CAMTA1: variants seen among roughly 807,000 people sequenced by gnomAD.
CAMTA1 encodes calmodulin binding transcription activator 1.
CAMTA1 carries 27 observed loss-of-function variants against 170.9 expected under a neutral mutation model. The ratio of observed to expected loss-of-function variants is 0.16; its 90% CI spans 0.12 to 0.22. The LOEUF (loss-of-function observed/expected upper bound fraction) is 0.22, where lower values mean the gene tolerates loss of function less well. Among genes scored for constraint, CAMTA1 ranks in the 10% least tolerant of loss-of-function variants. The pLI, the probability that CAMTA1 is intolerant of heterozygous loss-of-function variation, is 1.00. For missense variants in CAMTA1, 1,619 were observed against 2,217.2 expected (o/e 0.73, Z 5.42); for synonymous variants, 833 against 891.5 (o/e 0.93, Z 1.17).
intron 5 of CAMTA1, among the ~76,000 whole-genome samples, chr1:7,378,300 CAG>C (rs2087001322): frequency 6.6e-6 from 1 of 151,952 alleles, no homozygotes; most frequent in Non-Finnish European, 1.5e-5. Context: ...ATCCTAGCTT[CAG>C]AGAGAGAGAG....
intron 11 of CAMTA1, among the ~76,000 whole-genome samples, chr1:7,713,433 G>GC (rs2096586274): frequency 6.6e-6 from 1 of 151,900 alleles, no homozygotes; most frequent in Non-Finnish European, 1.5e-5. Context: ...TGTAAGAACT[G>GC]CCCCCCAGCC....
At position 7,588,740 on chromosome 1, in the gene CAMTA1, G is replaced by A. The variant is rs145386417; in HGVS notation, c.511-51660G>A. On this transcript the variant is annotated intron_variant, in intron 6 of 22. Coordinates refer to ENST00000303635, the MANE Select transcript of CAMTA1 (RefSeq NM_015215.4). This position sits in a 1 kb window ranked among gnomAD's most constrained non-coding sequence, Gnocchi z 5.8. ...CCAGTGAGGTACCTGCCCCTGGAGC[G>A]GGACCAACAGCTCCAGGCAGGAGAT... 2.2e-3 allele frequency among the ~76,000 whole-genome samples: 337 copies of A among 152,284 alleles called. 3 individuals carry two copies. The highest frequency in any genetic ancestry group is 7.8e-3 in the African/African-American group (324 of 41,558).
At chr1:6,873,170 T>C (rs1668875700) in intron 3 of CAMTA1, among the ~76,000 whole-genome samples, 1 of 152,100 alleles carries the variant, frequency 6.6e-6, no homozygotes, top group African/African-American at 2.4e-5. Flanking sequence ...AGGTAAACCA[T>C]CCTATGATTA....
At chr1:7,083,421 T>C (rs1284325332) in intron 3 of CAMTA1, among the ~76,000 whole-genome samples, 1 of 152,180 alleles carries the variant, frequency 6.6e-6, no homozygotes, top group Non-Finnish European at 1.5e-5. Flanking sequence ...AGATTGGGGA[T>C]GTTGGTTTAG....
intron 3 of CAMTA1, among the ~76,000 whole-genome samples, chr1:7,004,441 G>A (rs916977261): frequency 6.6e-6 from 1 of 152,190 alleles, no homozygotes; most frequent in Non-Finnish European, 1.5e-5. Flanking sequence ...GCTGGGCAGA[G>A]CTCAGGTAGT....
At chr1:6,920,807 A>G (rs1681837881) in intron 3 of CAMTA1, among the ~76,000 whole-genome samples, 1 of 152,188 alleles carries the variant, frequency 6.6e-6, no homozygotes, top group Non-Finnish European at 1.5e-5. Context: ...GGTCCCTTTT[A>G]GTCATGGCTG....
At chr1:7,397,790 A>G (rs920713031) in intron 5 of CAMTA1, among the ~76,000 whole-genome samples, 3 of 151,966 alleles carry the variant, frequency 2.0e-5, no homozygotes, top group African/African-American at 4.8e-5. Context: ...ATGGCTTCCA[A>G]AGTTTCTCCT....
At chr1:7,363,982 A>G (rs1230330763) in intron 5 of CAMTA1, among the ~76,000 whole-genome samples, 1 of 152,228 alleles carries the variant, frequency 6.6e-6, no homozygotes, top group African/African-American at 2.4e-5. Context: ...GAGAAACCAG[A>G]GTCCAGCCCC....
chr1:7,512,835 A>G (rs895035285), intron 6 of CAMTA1, among the ~76,000 whole-genome samples: 1 of 152,184 alleles, frequency 6.6e-6, no homozygotes, highest in South Asian at 2.1e-4. Flanking sequence ...GGAGGGAGCC[A>G]GGAGAAGACT....
At chr1:7,676,278 C>T (rs1057147717) in intron 10 of CAMTA1, among the ~76,000 whole-genome samples, 2 of 152,232 alleles carry the variant, frequency 1.3e-5, no homozygotes, top group African/African-American at 4.8e-5. Flanking sequence ...ATGTGACCTC[C>T]ACTGTGGAGT....
Position 7,681,513 on chromosome 1 carries a change from C to T in CAMTA1, c.2914+3780C>T, listed in dbSNP as rs1375909275. On this transcript the variant is annotated intron_variant, in intron 11 of 22. Coordinates refer to ENST00000303635, the MANE Select transcript of CAMTA1 (RefSeq NM_015215.4). The surrounding 1 kb of genome is among the most constrained non-coding windows in gnomAD (Gnocchi z 4.6). ...GGTGCGGATTCAGAACAAATTTCCT[C>T]TGTCCTGACCTGACCCCAGGCCATT... Among the ~76,000 whole-genome samples, 1 of 152,220 alleles carries T rather than the reference C, an allele frequency of 6.6e-6. No homozygotes were observed. The highest frequency in any genetic ancestry group is 1.5e-5 in the Non-Finnish European group (1 of 68,050).
At chr1:6,802,568 C>T (rs1424718435) in intron 1 of CAMTA1, among the ~76,000 whole-genome samples, 2 of 152,154 alleles carry the variant, frequency 1.3e-5, no homozygotes, top group Non-Finnish European at 2.9e-5. Flanking sequence ...GATATTGACT[C>T]CTAAAGGAGT....
intron 16 of CAMTA1, among the ~76,000 whole-genome samples, chr1:7,741,446 C>T (rs1178104845): frequency 6.6e-6 from 1 of 152,050 alleles, no homozygotes; most frequent in East Asian, 1.9e-4. Context: ...ACCTGTAGTC[C>T]CAGTACTCGG....
In CAMTA1 at chr1:6,958,792, C is replaced by T. The variant is rs564767745; in HGVS notation, c.235-132512C>T. Among the ~76,000 whole-genome samples, 3 of 152,236 alleles carry T rather than the reference C, an allele frequency of 2.0e-5. No homozygotes were observed. In the South Asian group the frequency reaches 6.2e-4, roughly 32 times the overall value. ...TAAGCTGCGTTGCTGTGTGGCTCACCCTCCACAGATGCTTTATAAAGCCCA... is the reference window on the plus strand; with the variant it reads ...TAAGCTGCGTTGCTGTGTGGCTCACTCTCCACAGATGCTTTATAAAGCCCA... On this transcript the variant is annotated intron_variant, in intron 3 of 22. Coordinates refer to ENST00000303635, the MANE Select transcript of CAMTA1 (RefSeq NM_015215.4).
chr1:7,203,489 G>GT (rs34908605), intron 4 of CAMTA1, among the ~76,000 whole-genome samples: 4,636 of 138,676 alleles, frequency 0.033, 110 homozygotes, highest in South Asian at 0.076. Context: ...CTTGTGGGTA[G>GT]TTTTTTTTTT....
Position 7,736,627 on chromosome 1 carries a change from C to G in CAMTA1, c.3263+87C>G, listed in dbSNP as rs2096774749. 1.5e-6 allele frequency: 2 copies of G among 1,327,224 alleles called. No homozygotes were observed. Among genetic ancestry groups the G allele is most frequent in the Non-Finnish European group, 2.1e-6 (2 of 930,300 alleles). 82.2% of individuals were successfully genotyped at this position (1,327,224 alleles called of 1,614,324 possible). A position where few individuals can be genotyped will look rare whatever the true frequency, so the allele number is the denominator to read the frequency against. ...GAGCACTGCCACCCGTGGAAGAAAT[C>G]TACCCATTCAGTCCACTTTATAGCC... On this transcript the variant is annotated intron_variant, in intron 13 of 22. Transcript: ENST00000303635. The surrounding 1 kb of genome is among the most constrained non-coding windows in gnomAD (Gnocchi z 4.5).
intron 6 of CAMTA1, among the ~76,000 whole-genome samples, chr1:7,511,632 T>TC (rs1341432112): frequency 2.0e-5 from 3 of 152,202 alleles, no homozygotes; most frequent in Admixed American, 6.5e-5. Flanking sequence ...CATCTGGAGT[T>TC]CTGGAGTTCT....
At chr1:7,747,652 C>G in intron 18 of CAMTA1, 58 bp from the exon 19 acceptor site, 1 of 1,234,634 alleles carries the variant, frequency 8.1e-7, no homozygotes, top group Non-Finnish European at 1.2e-6. Context: ...TAATAAAAAG[C>G]TGACATTTCT....
intron 22 of CAMTA1, among the ~76,000 whole-genome samples, chr1:7,766,102 T>A (rs2097022237): frequency 6.6e-6 from 1 of 151,980 alleles, no homozygotes; most frequent in Non-Finnish European, 1.5e-5. Flanking sequence ...GATAGGACAT[T>A]AATGGTGGTC....
Sources: allele counts gnomAD v4.1 joint callset (sites outside exome capture counted in the v4.1 genomes callset), GRCh38; gene constraint gnomAD v4.1.1; non-coding constraint Gnocchi (gnomAD v3.1); transcripts MANE v1.5; gene names NCBI Gene and HGNC (gene_info 2026-07-23, HGNC 2026-07-21).